The following SSBP2 variants were observed in gnomAD, a reference collection of about 807,000 sequenced individuals.
The protein encoded by SSBP2 is single stranded DNA binding protein 2, also known as single-stranded DNA-binding protein 2.
In SSBP2, 17 loss-of-function variants were observed where a neutral mutation model predicts 61.8. The observed-to-expected ratio is 0.28, with a 90% CI of 0.19 to 0.41. SSBP2 has a LOEUF of 0.41. SSBP2 is among the 10% of genes least tolerant of loss of function. The probability of loss-of-function intolerance (pLI) is 1.00; values close to 1 mark genes in which losing one functional copy is unlikely to be tolerated. For missense variants in SSBP2, 310 were observed against 458.7 expected (o/e 0.68, Z 2.96); for synonymous variants, 139 against 141.3 (o/e 0.98, Z 0.12).
chr5:81,510,268 C>A (rs559899636), intron 5 of SSBP2, among the ~76,000 whole-genome samples: 1 of 152,286 alleles, frequency 6.6e-6, no homozygotes, highest in African/African-American at 2.4e-5. Flanking sequence ...ATCTGTCCCA[C>A]CTCAAACCTA....
Position 81,684,765 on chromosome 5 carries a change from T to C in SSBP2, c.63-34426A>G, listed in dbSNP as rs115580212. ...AGGCTCATGGGCAGAAGGGACTTAC[T>C]TTGTCTCAGATGAGACTTTGGACTG... On this transcript the variant is annotated intron_variant, in intron 1 of 16. Transcript: ENST00000320672. 5.2e-3 allele frequency among the ~76,000 whole-genome samples: 787 copies of C among 152,328 alleles called. 6 individuals are homozygous for C. Among genetic ancestry groups the C allele is most frequent in the African/African-American group, 0.018 (742 of 41,588 alleles).
At position 81,489,268 on chromosome 5, in the gene SSBP2, T is replaced by C; in HGVS notation, c.414A>G (p.Pro138=). ...ATCTTACCTGATTAGGTATCCTCAA[T>C]GGGGGCCTTGGACCTCCAGGGTACC... The change falls in exon 6 of 17, where the codon CCA becomes CCG. Residue 138 remains proline (P), a synonymous_variant. Transcript: ENST00000320672. 3.1e-6 allele frequency: 5 copies of C among 1,608,878 alleles called. No homozygotes were observed. The highest frequency in any genetic ancestry group is 3.3e-4 in the Middle Eastern group (2 of 6,034).
At chr5:81,509,577 AATAAT>A (rs748126493) in intron 5 of SSBP2, among the ~76,000 whole-genome samples, 7 of 152,218 alleles carry the variant, frequency 4.6e-5, no homozygotes, top group Non-Finnish European at 7.4e-5. Context: ...ACCAAAAGAT[AATAAT>A]ATAATATGTC....
At chr5:81,531,725 G>A (rs1189176235) in intron 4 of SSBP2, among the ~76,000 whole-genome samples, 2 of 152,076 alleles carry the variant, frequency 1.3e-5, no homozygotes, top group African/African-American at 2.4e-5. Flanking sequence ...TAGTTAAAAT[G>A]AACAAGACAG....
At chr5:81,458,463 A>G (rs1256855856) in intron 10 of SSBP2, among the ~76,000 whole-genome samples, 1 of 152,256 alleles carries the variant, frequency 6.6e-6, no homozygotes, top group Non-Finnish European at 1.5e-5. Flanking sequence ...TAAGACATTA[A>G]CAATTGGGAA....
chr5:81,628,637 G>T (rs1206116510), intron 3 of SSBP2, among the ~76,000 whole-genome samples: 1 of 152,146 alleles, frequency 6.6e-6, no homozygotes, highest in Non-Finnish European at 1.5e-5. Flanking sequence ...CAAACAAGAA[G>T]CAAGTTTTCA....
At chr5:81,561,961 A>G (rs1428767626) in intron 4 of SSBP2, among the ~76,000 whole-genome samples, 1 of 152,144 alleles carries the variant, frequency 6.6e-6, no homozygotes, top group South Asian at 2.1e-4. Flanking sequence ...CTAGAGCGCA[A>G]TGGCACAATC....
rs574810108 is a variant in SSBP2 at position 81,495,985 on chromosome 5, G to C, written c.373-6676C>G. Among the ~76,000 whole-genome samples, 13 of 152,146 alleles carry C rather than the reference G, an allele frequency of 8.5e-5. No individual in the cohort carries two copies. In the South Asian group the frequency reaches 2.7e-3, roughly 32 times the overall value. On this transcript the variant is annotated intron_variant, in intron 5 of 16. Transcript: ENST00000320672. ...TTAGAACAATCAATGATGAAGAAAA[G>C]AATAACAATAATTTCCTTAGAATGA...
At chr5:81,471,968 T>A (rs1288792951) in intron 8 of SSBP2, among the ~76,000 whole-genome samples, 1 of 152,112 alleles carries the variant, frequency 6.6e-6, no homozygotes, top group African/African-American at 2.4e-5. Context: ...ACATATATTA[T>A]TGTATGTAGG....
chr5:81,700,064 T>C (rs1489421959), intron 1 of SSBP2, among the ~76,000 whole-genome samples: 1 of 152,068 alleles, frequency 6.6e-6, no homozygotes, highest in Non-Finnish European at 1.5e-5. Context: ...CCAAGCTAGT[T>C]TCAAACTCCT....
At chr5:81,469,536 A>G (rs753871713) in intron 8 of SSBP2, among the ~76,000 whole-genome samples, 20 of 151,906 alleles carry the variant, frequency 1.3e-4, no homozygotes, top group Non-Finnish European at 2.7e-4. Context: ...TCCCCATTAT[A>G]TAACAGTTTT....
chr5:81,477,821 A>G (rs1234077472), intron 6 of SSBP2, among the ~76,000 whole-genome samples: 1 of 152,208 alleles, frequency 6.6e-6, no homozygotes, highest in East Asian at 1.9e-4. Context: ...GTATTGAGGG[A>G]ATAAAAGGAA....
At chr5:81,472,439 C>T (rs935245418) in intron 8 of SSBP2, among the ~76,000 whole-genome samples, 2 of 152,074 alleles carry the variant, frequency 1.3e-5, no homozygotes, top group African/African-American at 4.8e-5. Context: ...TTCAATAAGA[C>T]CCATTTTAAT....
chr5:81,435,823 T>G (rs1345839655), intron 15 of SSBP2, among the ~76,000 whole-genome samples: 1 of 152,160 alleles, frequency 6.6e-6, no homozygotes, highest in Non-Finnish European at 1.5e-5. Flanking sequence ...TACAAGAATA[T>G]GCTTCTCAAA....
chr5:81,506,013 G>A (rs147852742), intron 5 of SSBP2, among the ~76,000 whole-genome samples: 1 of 152,158 alleles, frequency 6.6e-6, no homozygotes, highest in Non-Finnish European at 1.5e-5. Context: ...TGCCTGAATT[G>A]CAATTTTTAA....
chr5:81,561,881 A>G lies in SSBP2; in HGVS notation c.283-48164T>C, dbSNP rs561544550. Among the ~76,000 whole-genome samples the G allele has an allele frequency of 2.4e-4, 37 of 152,286 alleles. 1 individual carries two copies. The South Asian group carries it at 7.7e-3, about 32-fold the overall frequency. On this transcript the variant is annotated intron_variant, in intron 4 of 16. Coordinates refer to ENST00000320672, the MANE Select transcript of SSBP2 (RefSeq NM_012446.5). ...ATAAAACATGAAGGCAGCCTTAAAC[A>G]TGATTTAAATGTTAAGACCCTTTTT...
At chr5:81,737,684 A>G (rs1347773529) in intron 1 of SSBP2, among the ~76,000 whole-genome samples, 1 of 149,802 alleles carries the variant, frequency 6.7e-6, no homozygotes, top group Non-Finnish European at 1.5e-5. Context: ...GCTACTCGAG[A>G]GGCTGAGGCA....
chr5:81,434,494 A>G (rs529578090), intron 15 of SSBP2, among the ~76,000 whole-genome samples: 1 of 151,976 alleles, frequency 6.6e-6, no homozygotes, highest in East Asian at 1.9e-4. Flanking sequence ...CCGTCTCTAC[A>G]GGCACATGCC....
rs775267347 is a variant in SSBP2, at chr5:81,467,077, C to T, written c.571-36G>A. Reference sequence around the variant, plus strand: ...AACCAAGGGTCAGACTACCACAAAACAAAAAAACAAAACCAAAGAGGAGGG... The same window carrying T: ...AACCAAGGGTCAGACTACCACAAAATAAAAAAACAAAACCAAAGAGGAGGG... On this transcript the variant is annotated intron_variant, in intron 8 of 16. Transcript: ENST00000320672. The T allele has an allele frequency of 4.5e-6, 7 of 1,569,060 alleles. No individual in the cohort carries two copies. In the East Asian group the frequency reaches 1.3e-4, roughly 30 times the overall value.
Sources: gnomAD v4.1 joint callset for allele counts (sites outside exome capture counted in the v4.1 genomes callset) on GRCh38, gnomAD v4.1.1 for gene constraint, MANE v1.5 for transcripts, NCBI Gene and HGNC (gene_info 2026-07-23, HGNC 2026-07-21) for gene names.